Variants in NBEA observed in about 807,000 individuals in gnomAD.
The protein encoded by NBEA is neurobeachin.
In NBEA, 44 loss-of-function variants were observed where a neutral mutation model predicts 343.4. That is an observed-to-expected ratio of 0.13 (90% confidence interval 0.10 to 0.16). The LOEUF is 0.16. Among genes scored for constraint, NBEA ranks in the 10% least tolerant of loss-of-function variants. NBEA has a pLI of 1.00. For missense variants in NBEA, 2,555 were observed against 3,631.3 expected, an observed-to-expected ratio of 0.70 and a Z score of 7.62; for synonymous variants, 1,175 against 1,238.7, an observed-to-expected ratio of 0.95 and a Z score of 1.08.
At chr13:35,597,217 A>G (rs929986431) in intron 47 of NBEA, among the ~76,000 whole-genome samples, 1 of 152,172 alleles carries the variant, frequency 6.6e-6, no homozygotes, top group Non-Finnish European at 1.5e-5. Context: ...AATGTATATA[A>G]TACTATTAAC....
chr13:35,415,470 G>A (rs1030803669), intron 38 of NBEA, among the ~76,000 whole-genome samples: 2 of 152,170 alleles, frequency 1.3e-5, no homozygotes, highest in Non-Finnish European at 1.5e-5. Flanking sequence ...AGTTTTCCCA[G>A]CACCATTTAT....
chr13:35,309,558 G>T lies in NBEA; in HGVS notation c.5869G>T (p.Gly1957Ter). The change falls in exon 36 of 59, where the codon GGA (glycine) becomes TGA (stop). Residue 1957 changes from glycine (G) to a stop codon, truncating the protein, a stop_gained. Transcript: ENST00000379939. LOFTEE classifies it high-confidence loss of function. ...EWQNSIQKNAGLAFIELINEG... is the reference protein window; with the variant it reads ...EWQNSIQKNA ...GCAAAACTCTATTCAGAAGAATGCA[G>T]GACTTGCATTTATTGAGCTCATCAA... 6.3e-7 allele frequency: 1 copy of T among 1,592,048 alleles called. No individual in the cohort carries two copies. Among genetic ancestry groups the T allele is most frequent in the Non-Finnish European group, 8.5e-7 (1 of 1,170,374 alleles).
At chr13:35,389,334 G>A (rs1178576465) in intron 38 of NBEA, among the ~76,000 whole-genome samples, 1 of 152,034 alleles carries the variant, frequency 6.6e-6, no homozygotes. Context: ...CATAAGCATT[G>A]TGAATACTCA....
chr13:35,203,901 GA>G (rs1272669381), intron 31 of NBEA, among the ~76,000 whole-genome samples: 1 of 152,154 alleles, frequency 6.6e-6, no homozygotes, highest in Non-Finnish European at 1.5e-5. Context: ...GAGTCTTAAA[GA>G]TGTGTGATAG....
chr13:35,200,389 T>C (rs892673507), intron 31 of NBEA, among the ~76,000 whole-genome samples: 3 of 150,850 alleles, frequency 2.0e-5, no homozygotes, highest in African/African-American at 7.3e-5. Flanking sequence ...TATATATATA[T>C]ATCTATGTTT....
At chr13:35,427,453 T>G (rs2044763642) in intron 38 of NBEA, among the ~76,000 whole-genome samples, 1 of 152,154 alleles carries the variant, frequency 6.6e-6, no homozygotes, top group South Asian at 2.1e-4. Flanking sequence ...CAGCAGATAT[T>G]GGTGAACTGC....
chr13:35,609,438 G>A lies in NBEA; in HGVS notation c.7449+2860G>A, dbSNP rs527759593. Reference sequence around the variant, plus strand: ...TTGAGAAGAAAGTTTTAGGATGAGCGAAGATTTACTATGATACAGGGAAAG... The same window carrying A: ...TTGAGAAGAAAGTTTTAGGATGAGCAAAGATTTACTATGATACAGGGAAAG... On this transcript the variant is annotated intron_variant, in intron 48 of 58. Transcript: ENST00000379939. Among the ~76,000 whole-genome samples the A allele has an allele frequency of 3.3e-5, 5 of 152,334 alleles. 1 individual carries two copies. Among genetic ancestry groups the A allele is most frequent in the African/African-American group, 9.6e-5 (4 of 41,566 alleles).
chr13:35,164,593 ATTTTAACCAGACCTGTACT>A, intron 24 of NBEA, 84 bp downstream of exon 24: 1 of 1,400,058 alleles, frequency 7.1e-7, no homozygotes, highest in Non-Finnish European at 9.8e-7. Flanking sequence ...CTATAAACAC[ATTTTAACCAGACCTGTACT>A]TTTTAGGCAA....
rs1028334458 is a variant in NBEA, at chr13:35,238,992, A to G, written c.5776+6373A>G. Reference sequence around the variant, plus strand: ...GTAGCATTATAGGCACATAATCAGAAAAACTTGCCGTATTTTTATTTAAAA... The same window carrying G: ...GTAGCATTATAGGCACATAATCAGAGAAACTTGCCGTATTTTTATTTAAAA... On this transcript the variant is annotated intron_variant, in intron 34 of 58. Transcript: ENST00000379939. Among the ~76,000 whole-genome samples, 22 of 152,232 alleles carry G rather than the reference A, an allele frequency of 1.4e-4. No individual in the cohort carries two copies. In the South Asian group the frequency reaches 2.1e-3, roughly 14 times the overall value.
chr13:35,334,315 G>T (rs2096727720), intron 36 of NBEA, among the ~76,000 whole-genome samples: 1 of 152,074 alleles, frequency 6.6e-6, no homozygotes, highest in African/African-American at 2.4e-5. Flanking sequence ...AGTCACCCAG[G>T]CTGGAGTGCA....
rs569018363 is a variant in NBEA at position 34,974,434 on chromosome 13, C to T, written c.294+31320C>T. 5.3e-4 allele frequency among the ~76,000 whole-genome samples: 81 copies of T among 152,262 alleles called. No homozygotes were observed. In the South Asian group the frequency reaches 8.9e-3, roughly 17 times the overall value. On this transcript the variant is annotated intron_variant, in intron 1 of 58. Transcript: ENST00000379939. ...ATTTATCAGCTTATCTTGTTAGTTT[C>T]ATTTCTTAGTATATGTGAGGTTTCA... is the stretch of plus-strand genomic sequence containing the variant.
chr13:35,313,377 A>C (rs150597410), intron 36 of NBEA, among the ~76,000 whole-genome samples: 92 of 152,276 alleles, frequency 6.0e-4, no homozygotes, highest in Non-Finnish European at 1.1e-3. Context: ...ATATCTCTAT[A>C]TTCTGGAATA....
chr13:35,066,643 T>A (rs925337778), intron 8 of NBEA, among the ~76,000 whole-genome samples: 4 of 152,084 alleles, frequency 2.6e-5, no homozygotes, highest in South Asian at 4.1e-4. Context: ...TTTTTTCCCA[T>A]TTTATTTACT....
intron 38 of NBEA, among the ~76,000 whole-genome samples, chr13:35,384,724 C>G (rs1566058284): frequency 6.6e-6 from 1 of 151,992 alleles, no homozygotes; most frequent in Non-Finnish European, 1.5e-5. Flanking sequence ...CGGGGTTTCA[C>G]CATGTTGGCC....
chr13:35,422,095 T>TTG lies in NBEA; in HGVS notation c.6180-10173_6180-10172insGT, dbSNP rs778562856. On this transcript the variant is annotated intron_variant, in intron 38 of 58. Transcript: ENST00000379939. ...TCCGCCATTTTTTTGTTTGTTTGTTTTTTTTTTTTTTTAGATTCTTCGTTC... is the reference window on the plus strand; with the variant it reads ...TCCGCCATTTTTTTGTTTGTTTGTTTTGTTTTTTTTTTTTAGATTCTTCGTTC... Among the ~76,000 whole-genome samples the TTG allele has an allele frequency of 1.3e-3, 146 of 112,292 alleles. 1 individual carries two copies. The highest frequency in any genetic ancestry group is 1.9e-3 in the Admixed American group (23 of 12,202). 73.7% of individuals were successfully genotyped at this position (112,292 alleles called of 152,430 possible). A position where few individuals can be genotyped will look rare whatever the true frequency, so the allele number is the denominator to read the frequency against.
At chr13:35,540,296 G>A (rs1055637038) in intron 41 of NBEA, among the ~76,000 whole-genome samples, 4 of 152,006 alleles carry the variant, frequency 2.6e-5, no homozygotes. Context: ...TAAAAAATTA[G>A]CAATATGCAG....
intron 44 of NBEA, among the ~76,000 whole-genome samples, chr13:35,556,797 C>G (rs1296618143): frequency 6.6e-6 from 1 of 152,204 alleles, no homozygotes; most frequent in East Asian, 1.9e-4. Flanking sequence ...TTATTATTAA[C>G]TTCACACTCT....
chr13:35,441,891 C>T (rs1326909064), intron 39 of NBEA, among the ~76,000 whole-genome samples: 1 of 151,594 alleles, frequency 6.6e-6, no homozygotes, highest in Non-Finnish European at 1.5e-5. Context: ...GAAAGTCTCC[C>T]CACCCTGTCA....
At position 35,593,435 on chromosome 13, in the gene NBEA, T is replaced by A; in HGVS notation, c.7284T>A (p.Thr2428=). The A allele has an allele frequency of 6.2e-7, 1 of 1,607,984 alleles. No individual in the cohort carries two copies. Among genetic ancestry groups the A allele is most frequent in the Non-Finnish European group, 8.5e-7 (1 of 1,176,830 alleles). The part of the protein sequence containing the change: ...ARSWRTSQRD[T]SDVKELIPEF... ...CTTGGAGAACTAGTCAGAGAGATAC[T>A]TCTGATGTAAAGGTAGGCTCTTTTA... Residue 2428 remains threonine (T), a synonymous_variant, in exon 47 of 59, where the codon ACT becomes ACA. Coordinates refer to ENST00000379939, the MANE Select transcript of NBEA (RefSeq NM_001385012.1).
Sources: allele counts gnomAD v4.1 joint callset (sites outside exome capture counted in the v4.1 genomes callset), GRCh38; gene constraint gnomAD v4.1.1; transcripts MANE v1.5; gene names NCBI Gene and HGNC (gene_info 2026-07-23, HGNC 2026-07-21).